Variants in SHANK2 observed in about 807,000 individuals in gnomAD.
SHANK2 encodes the protein SH3 and multiple ankyrin repeat domains 2.
A neutral mutation model predicts 133.7 loss-of-function variants in SHANK2; 43 were observed. That is an observed-to-expected ratio of 0.32 (90% CI 0.25 to 0.41). SHANK2 has a LOEUF of 0.41. Among genes scored for constraint, SHANK2 ranks in the 10% least tolerant of loss-of-function variants. The pLI is 1.00. For synonymous variants in SHANK2, 1,017 were observed against 952.8 expected (o/e 1.07, Z -1.24); for missense variants, 1,994 against 2,235.8 (o/e 0.89, Z 2.18).
intron 17 of SHANK2, among the ~76,000 whole-genome samples, chr11:70,515,464 T>C (rs994754892): frequency 5.9e-5 from 9 of 152,126 alleles, no homozygotes; most frequent in Non-Finnish European, 1.3e-4. Context: ...CTTTTTCTTT[T>C]CTGAGAAATT....
intron 11 of SHANK2, among the ~76,000 whole-genome samples, chr11:70,875,147 G>C (rs994517070): frequency 2.6e-5 from 4 of 152,058 alleles, no homozygotes; most frequent in African/African-American, 9.7e-5. Flanking sequence ...TTTTTAGAAC[G>C]GGGGGACATG....
intron 10 of SHANK2, among the ~76,000 whole-genome samples, chr11:70,901,157 ACAGT>A (rs1179522089): frequency 2.0e-5 from 3 of 152,168 alleles, no homozygotes; most frequent in Non-Finnish European, 2.9e-5. Context: ...GCTCCACATC[ACAGT>A]CAGCACCAAA....
At chr11:71,220,059 C>T (rs1184614407) in intron 2 of SHANK2, among the ~76,000 whole-genome samples, 4 of 151,230 alleles carry the variant, frequency 2.6e-5, no homozygotes, top group Admixed American at 1.3e-4. Context: ...CCCCCCCACC[C>T]ATCTCTACAA....
chr11:71,085,520 G>A (rs1223652859), intron 8 of SHANK2, among the ~76,000 whole-genome samples: 1 of 98,078 alleles, frequency 1.0e-5, no homozygotes, highest in East Asian at 2.8e-4. Context: ...TATTATATAT[G>A]CTATATATTA....
At chr11:71,088,221 A>AG (rs1295681831) in intron 8 of SHANK2, among the ~76,000 whole-genome samples, 2 of 152,220 alleles carry the variant, frequency 1.3e-5, no homozygotes, top group African/African-American at 4.8e-5. Context: ...CTGGGTCTCC[A>AG]GCCTGCCCTG....
At chr11:70,915,431 C>T (rs1213182686) in intron 10 of SHANK2, among the ~76,000 whole-genome samples, 2 of 152,204 alleles carry the variant, frequency 1.3e-5, no homozygotes, top group African/African-American at 2.4e-5. Flanking sequence ...GAATAGCTAT[C>T]AGGCATTTGT....
intron 12 of SHANK2, among the ~76,000 whole-genome samples, chr11:70,812,748 T>G (rs547753483): frequency 4.1e-4 from 63 of 152,356 alleles, no homozygotes; most frequent in African/African-American, 1.3e-3. Flanking sequence ...TCCCTCCTGC[T>G]GTCCTGCCTG....
chr11:71,073,121 CT>C (rs1217646232), intron 9 of SHANK2, among the ~76,000 whole-genome samples: 1 of 111,880 alleles, frequency 8.9e-6, no homozygotes, highest in African/African-American at 3.1e-5. Context: ...GGAAGGCTTG[CT>C]TTTTGTTTTT....
intron 17 of SHANK2, among the ~76,000 whole-genome samples, chr11:70,658,282 GACACACACACACACACACACACAC>G (rs138823201): frequency 9.0e-6 from 1 of 111,560 alleles, no homozygotes; most frequent in Non-Finnish European, 1.7e-5. Flanking sequence ...CACACACACA[GACACACACACACACACACACACAC>G]AGACACACAC....
At position 70,486,165 on chromosome 11, in the gene SHANK2, G is replaced by A. The variant is rs149440968; in HGVS notation, c.4128C>T (p.Val1376=). The change falls in exon 25 of 26, where the codon GTC becomes GTT. Residue 1376 remains valine, a synonymous_variant. Coordinates refer to ENST00000601538, the MANE Select transcript of SHANK2 (RefSeq NM_012309.5). The surrounding 1 kb of genome is among the most constrained non-coding windows in gnomAD (Gnocchi z 8.0). ...EPTTVPGRTI[V]AVGSMEEAVI... is the part of the protein sequence containing the mutation. ...CCGCCTCTTCCATGGAGCCCACCGCGACGATGGTTCTGCCGGGCACGGTGG... is the reference window on the plus strand; with the variant it reads ...CCGCCTCTTCCATGGAGCCCACCGCAACGATGGTTCTGCCGGGCACGGTGG... The A allele has an allele frequency of 4.3e-6, 7 of 1,613,840 alleles. No homozygotes were observed. In the East Asian group the frequency reaches 1.1e-4, roughly 26 times the overall value.
chr11:70,499,690 C>T (rs546833060), intron 21 of SHANK2, among the ~76,000 whole-genome samples: 3 of 152,294 alleles, frequency 2.0e-5, no homozygotes, highest in African/African-American at 4.8e-5. Flanking sequence ...ACATCCTCGG[C>T]GCAGCAGTGG....
intron 10 of SHANK2, among the ~76,000 whole-genome samples, chr11:70,945,693 T>G (rs1950714677): frequency 6.6e-6 from 1 of 152,128 alleles, no homozygotes; most frequent in African/African-American, 2.4e-5. Context: ...TCAGGTGGCT[T>G]TGCTTAGAGA....
At chr11:70,603,991 T>A (rs1202574088) in intron 17 of SHANK2, 1 of 152,440 alleles carries the variant, frequency 6.6e-6, no homozygotes, top group Non-Finnish European at 1.5e-5. Context: ...AAAAGTAACA[T>A]CGAGGGGCCC....
intron 11 of SHANK2, among the ~76,000 whole-genome samples, chr11:70,837,150 T>A (rs1948830795): frequency 6.6e-6 from 1 of 152,222 alleles, no homozygotes; most frequent in African/African-American, 2.4e-5. Context: ...GCCACCAGTC[T>A]ATGGTATTTT....
intron 10 of SHANK2, among the ~76,000 whole-genome samples, chr11:70,901,193 G>A (rs145665222): frequency 7.2e-5 from 11 of 152,286 alleles, no homozygotes; most frequent in African/African-American, 2.4e-4. Flanking sequence ...CACTCAAGCC[G>A]TTTGGGTTCA....
Position 70,820,525 on chromosome 11 carries a change from G to C in SHANK2, c.1332C>G (p.Ser444Arg), listed in dbSNP as rs781982098. The C allele has an allele frequency of 7.0e-6, 5 of 717,012 alleles. No individual in the cohort carries two copies. Among genetic ancestry groups the C allele is most frequent in the African/African-American group, 3.5e-5 (2 of 57,264 alleles). 44.4% of individuals were successfully genotyped at this position (717,012 alleles called of 1,614,324 possible). A position where few individuals can be genotyped will look rare whatever the true frequency, so the allele number is the denominator to read the frequency against. ...TCTGCTGCAGCAGCTGGGGTGACAGGCTGCGGTGCGAGGTGGCCGTGGAGC... is the reference window on the plus strand; with the variant it reads ...TCTGCTGCAGCAGCTGGGGTGACAGCCTGCGGTGCGAGGTGGCCGTGGAGC... ...AVCSTATSHR[S>R]LSPQLLQQMP... is the part of the protein sequence containing the mutation. The change falls in exon 12 of 26, where the codon AGC becomes AGG. Residue 444 changes from serine (S) to arginine (R), a missense_variant. This residue lies in a region of SHANK2 where 653 missense variants were observed against 563.4 expected (regional missense o/e 1.16). Coordinates refer to ENST00000601538, the MANE Select transcript of SHANK2 (RefSeq NM_012309.5).
At chr11:70,632,988 C>T (rs533502539) in intron 17 of SHANK2, among the ~76,000 whole-genome samples, 4 of 152,038 alleles carry the variant, frequency 2.6e-5, no homozygotes, top group Non-Finnish European at 5.9e-5. Context: ...CAAGGACAGG[C>T]GCAGGTGCTC....
intron 1 of SHANK2, among the ~76,000 whole-genome samples, chr11:71,236,861 T>C (rs1316659108): frequency 6.6e-6 from 1 of 152,184 alleles, no homozygotes; most frequent in African/African-American, 2.4e-5. Context: ...AGACTCCATC[T>C]CAAAACAAAC....
At chr11:70,492,192 T>C in intron 22 of SHANK2, 143 bp downstream of exon 22, 1 of 1,216,234 alleles carries the variant, frequency 8.2e-7, no homozygotes, top group Non-Finnish European at 1.2e-6. Flanking sequence ...CTCTTTGTCC[T>C]GTGGCCACTT....
Sources: allele counts gnomAD v4.1 joint callset (sites outside exome capture counted in the v4.1 genomes callset), GRCh38; gene constraint gnomAD v4.1.1; regional missense constraint gnomAD v4.1.1; non-coding constraint Gnocchi (gnomAD v3.1); transcripts MANE v1.5; gene names NCBI Gene and HGNC (gene_info 2026-07-23, HGNC 2026-07-21).